The following PRKCH variants were observed in gnomAD, a reference collection of about 807,000 sequenced individuals.
The protein encoded by PRKCH is protein kinase C eta type.
A neutral mutation model predicts 82.5 loss-of-function variants in PRKCH; 28 were observed. The observed-to-expected ratio is 0.34, with a 90% CI of 0.25 to 0.47. The LOEUF (loss-of-function observed/expected upper bound fraction) is 0.47. Ranked by LOEUF, PRKCH falls within the 20% of genes least tolerant of loss-of-function variation. The probability of loss-of-function intolerance (pLI) is 1.00; values close to 1 mark genes in which losing one functional copy is unlikely to be tolerated. For synonymous variants in PRKCH, 322 were observed against 327.4 expected (o/e 0.98, Z 0.18); for missense variants, 705 against 881.8 (o/e 0.80, Z 2.54).
At chr14:61,242,578 T>G (rs1433550709) in intron 1 of PRKCH, among the ~76,000 whole-genome samples, 2 of 151,944 alleles carry the variant, frequency 1.3e-5, no homozygotes, top group Admixed American at 6.6e-5. Context: ...TTGTATTTTT[T>G]GGAGAGACAA....
At chr14:61,261,542 T>A (rs2045043647) in intron 1 of PRKCH, among the ~76,000 whole-genome samples, 1 of 152,206 alleles carries the variant, frequency 6.6e-6, no homozygotes, top group South Asian at 2.1e-4. Flanking sequence ...TTTACCCAAG[T>A]CGTATTCTTA....
rs187891621 is a variant in PRKCH, at chr14:61,367,336, C to G, written c.364-23889C>G. On this transcript the variant is annotated intron_variant, in intron 1 of 13. Transcript: ENST00000332981. ...AAAACAAGTATGAGATGATACTACTCAGGTATTGCGTGTGTGTGTGTGTAT... is the reference window on the plus strand; with the variant it reads ...AAAACAAGTATGAGATGATACTACTGAGGTATTGCGTGTGTGTGTGTGTAT... Among the ~76,000 whole-genome samples the G allele has an allele frequency of 1.5e-4, 22 of 149,998 alleles. 1 individual carries two copies. Among genetic ancestry groups the G allele is most frequent in the Admixed American group, 1.3e-4 (2 of 15,120 alleles).
At chr14:61,338,341 A>G (rs1220775759) in intron 1 of PRKCH, among the ~76,000 whole-genome samples, 1 of 152,220 alleles carries the variant, frequency 6.6e-6, no homozygotes, top group South Asian at 2.1e-4. Context: ...TGAAAAATTC[A>G]TATTCAGGTA....
At chr14:61,194,291 A>G (rs955451835) in intron 1 of PRKCH, among the ~76,000 whole-genome samples, 1 of 152,240 alleles carries the variant, frequency 6.6e-6, no homozygotes, top group African/African-American at 2.4e-5. Context: ...GTTTGAATAT[A>G]TGAATATTTA....
At chr14:61,524,643 G>T (rs571231172) in intron 10 of PRKCH, among the ~76,000 whole-genome samples, 1 of 152,050 alleles carries the variant, frequency 6.6e-6, no homozygotes, top group Non-Finnish European at 1.5e-5. Context: ...AAAAATAAAG[G>T]CATGATTTCC....
intron 1 of PRKCH, among the ~76,000 whole-genome samples, chr14:61,223,174 T>G (rs4457900): frequency 0.49 from 74,651 of 152,070 alleles, 22,510 homozygotes; most frequent in Non-Finnish European, 0.66. Context: ...CTTTCCCATT[T>G]AAACGGCTTC....
intron 9 of PRKCH, among the ~76,000 whole-genome samples, chr14:61,484,291 CTTTTTTTT>C (rs71449556): frequency 1.2e-5 from 1 of 86,382 alleles, no homozygotes; most frequent in Admixed American, 1.6e-4. Context: ...GCTTGTGTCA[CTTTTTTTT>C]TTTTTTTTTT....
intron 1 of PRKCH, among the ~76,000 whole-genome samples, chr14:61,217,828 C>G (rs1333780504): frequency 6.6e-6 from 1 of 152,220 alleles, no homozygotes; most frequent in African/African-American, 2.4e-5. Flanking sequence ...AACTTCTGCT[C>G]TTTGAAAACC....
chr14:61,484,899 T>A (rs1437163827), intron 9 of PRKCH, among the ~76,000 whole-genome samples: 1 of 151,852 alleles, frequency 6.6e-6, no homozygotes, highest in East Asian at 1.9e-4. Flanking sequence ...TTTTTTTTAT[T>A]TTTTTGTATA....
At chr14:61,270,068 A>G (rs184254836) in intron 1 of PRKCH, among the ~76,000 whole-genome samples, 5 of 152,306 alleles carry the variant, frequency 3.3e-5, no homozygotes, top group Admixed American at 6.5e-5. Flanking sequence ...CTTTGGTAGT[A>G]AATTTGAGGA....
chr14:61,377,703 A>T (rs2046444007), intron 1 of PRKCH, among the ~76,000 whole-genome samples: 1 of 152,018 alleles, frequency 6.6e-6, no homozygotes, highest in African/African-American at 2.4e-5. Flanking sequence ...CTGTTTGCTG[A>T]CCCTGATCTA....
At chr14:61,426,866 CA>C (rs1013093788) in intron 2 of PRKCH, among the ~76,000 whole-genome samples, 1 of 152,164 alleles carries the variant, frequency 6.6e-6, no homozygotes, top group African/African-American at 2.4e-5. Context: ...TTCAGGAATG[CA>C]ATTTACCAAA....
At position 61,485,723 on chromosome 14, in the gene PRKCH, T is replaced by C. The variant is rs1886190500; in HGVS notation, c.1433+67T>C. ...TTCCCTCTCCTGGTATGATCCATCCTTCCACTTCTCATGATAATCAGTTGA... is the reference window on the plus strand; with the variant it reads ...TTCCCTCTCCTGGTATGATCCATCCCTCCACTTCTCATGATAATCAGTTGA... On this transcript the variant is annotated intron_variant, in intron 10 of 13. Coordinates refer to ENST00000332981, the MANE Select transcript of PRKCH (RefSeq NM_006255.5). 4 of 1,504,364 alleles carry C rather than the reference T, an allele frequency of 2.7e-6. No homozygotes were observed. The Admixed American group carries it at 8.3e-5, about 31-fold the overall frequency. The allele number at this position is 1,504,364 out of a possible 1,614,324, so 93.2% of individuals were successfully genotyped here.
At chr14:61,531,352 G>A (rs2043042096) in intron 12 of PRKCH, among the ~76,000 whole-genome samples, 1 of 152,206 alleles carries the variant, frequency 6.6e-6, no homozygotes, top group Admixed American at 6.5e-5. Flanking sequence ...TAAAAGATCA[G>A]TTTTTCAAGA....
intron 9 of PRKCH, among the ~76,000 whole-genome samples, chr14:61,465,810 T>C (rs1410116510): frequency 1.3e-5 from 2 of 152,214 alleles, no homozygotes; most frequent in African/African-American, 4.8e-5. Context: ...AGTCAAGAGA[T>C]AATTTTATGT....
chr14:61,437,155 G>A (rs1294414197), intron 2 of PRKCH, among the ~76,000 whole-genome samples: 1 of 152,152 alleles, frequency 6.6e-6, no homozygotes, highest in Non-Finnish European at 1.5e-5. Flanking sequence ...TAGCCGTTTA[G>A]TTAAGTTAGG....
intron 5 of PRKCH, 31 bp downstream of exon 5, chr14:61,449,283 T>C (rs11623862): frequency 1.3e-5 from 20 of 1,559,900 alleles, no homozygotes; most frequent in Non-Finnish European, 1.7e-5. Context: ...TGATTAAATG[T>C]GCGTGTGTAT....
chr14:61,359,611 G>T (rs374009473), intron 1 of PRKCH, among the ~76,000 whole-genome samples: 4 of 152,290 alleles, frequency 2.6e-5, no homozygotes, highest in African/African-American at 7.2e-5. Flanking sequence ...CTCTGAGAGA[G>T]AACTTCTTTG....
Position 61,280,534 on chromosome 14 carries a change from T to C in PRKCH, c.-19+92866T>C, listed in dbSNP as rs757570590. 118 of 1,612,340 alleles carry C rather than the reference T, an allele frequency of 7.3e-5. No homozygotes were observed. Among genetic ancestry groups the C allele is most frequent in the Non-Finnish European group, 9.0e-5 (106 of 1,179,486 alleles). ...GTTGACCAGCGGCGGGTTGCGGAAC[T>C]TGACGTGGTAGTCGGTCCACCAGGC... On this transcript the variant is annotated intron_variant, in intron 1 of 3. Coordinates refer to the PRKCH transcript ENST00000555185. This position sits in a 1 kb window ranked among gnomAD's most constrained non-coding sequence, Gnocchi z 5.0.
Sources: gnomAD v4.1 joint callset for allele counts (sites outside exome capture counted in the v4.1 genomes callset) on GRCh38, gnomAD v4.1.1 for gene constraint, Gnocchi (gnomAD v3.1) non-coding constraint, MANE v1.5 for transcripts, NCBI Gene and HGNC (gene_info 2026-07-23, HGNC 2026-07-21) for gene names.